ANKS6: variants seen among roughly 807,000 people sequenced by gnomAD.
ANKS6 encodes ankyrin repeat and SAM domain-containing protein 6.
In ANKS6, 47 loss-of-function variants were observed where a neutral mutation model predicts 77.9. That is an observed-to-expected ratio of 0.60 (90% CI 0.48 to 0.77). The LOEUF is 0.77. ANKS6 is among the 30% of genes least tolerant of loss of function. The probability of loss-of-function intolerance (pLI) is 0.00; values close to 1 mark genes in which losing one functional copy is unlikely to be tolerated. For synonymous variants in ANKS6, 488 were observed against 501.7 expected, an observed-to-expected ratio of 0.97 and a Z score of 0.37; for missense variants, 1,150 against 1,159.1, an observed-to-expected ratio of 0.99 and a Z score of 0.11.
chr9:98,784,219 T>G, intron 3 of ANKS6, 62 bp from the exon 4 acceptor site: 1 of 1,422,372 alleles, frequency 7.0e-7, no homozygotes, highest in Non-Finnish European at 9.4e-7. Flanking sequence ...TGATTTCTCC[T>G]GTGGTTCATG....
chr9:98,760,173 G>A (rs900697219), intron 11 of ANKS6, among the ~76,000 whole-genome samples: 1 of 152,114 alleles, frequency 6.6e-6, no homozygotes, highest in Admixed American at 6.5e-5. Context: ...CGGAGGAAGG[G>A]GCAAGGAGCT....
chr9:98,785,097 C>G (rs1043889347), intron 2 of ANKS6, among the ~76,000 whole-genome samples: 1 of 152,154 alleles, frequency 6.6e-6, no homozygotes, highest in Non-Finnish European at 1.5e-5. Flanking sequence ...CAACAAAACA[C>G]GAATGAGCAG....
intron 14 of ANKS6, among the ~76,000 whole-genome samples, chr9:98,740,722 A>C (rs1258498347): frequency 6.6e-6 from 1 of 152,240 alleles, no homozygotes; most frequent in Non-Finnish European, 1.5e-5. Context: ...CAACTGATTG[A>C]AGATGATAAC....
Position 98,791,366 on chromosome 9 carries a change from A to C in ANKS6, c.360-760T>G, listed in dbSNP as rs1448599637. Among the ~76,000 whole-genome samples the C allele has an allele frequency of 6.6e-6, 1 of 152,218 alleles. No individual in the cohort carries two copies. The highest frequency in any genetic ancestry group is 2.4e-5 in the African/African-American group (1 of 41,462). On this transcript the variant is annotated intron_variant, in intron 1 of 14. Transcript: ENST00000353234. The surrounding 1 kb of genome is among the most constrained non-coding windows in gnomAD (Gnocchi z 4.3). The stretch of plus-strand genomic sequence containing the variant: ...ACCTGCTGGCAGGAATGTTTGTTGC[A>C]GGCGGCTGAGGACCCAGCCTAGGCC...
chr9:98,735,623 G>A lies in ANKS6; in HGVS notation c.*896C>T, dbSNP rs1770085236. 1 of 1,231,626 alleles carries A rather than the reference G, an allele frequency of 8.1e-7. No homozygotes were observed. Among genetic ancestry groups the A allele is most frequent in the Non-Finnish European group, 1.0e-6 (1 of 987,952 alleles). 76.3% of individuals were successfully genotyped at this position (1,231,626 alleles called of 1,614,324 possible). ...GCCTTCTGCTTCCACTTTCAGTGCAGAAAGCCCTGCAGTGATACAGGTGAG... is the reference window on the plus strand; with the variant it reads ...GCCTTCTGCTTCCACTTTCAGTGCAAAAAGCCCTGCAGTGATACAGGTGAG... On this transcript the variant is annotated 3_prime_UTR_variant, in exon 15 of 15. Transcript: ENST00000353234.
chr9:98,780,838 T>C (rs925883262), intron 5 of ANKS6, among the ~76,000 whole-genome samples: 2 of 152,088 alleles, frequency 1.3e-5, no homozygotes, highest in African/African-American at 2.4e-5. Flanking sequence ...AAAAAAAGCA[T>C]TGCAAAAAAG....
chr9:98,749,410 C>A (rs1420413819), intron 13 of ANKS6, among the ~76,000 whole-genome samples: 2 of 152,204 alleles, frequency 1.3e-5, no homozygotes, highest in Admixed American at 6.5e-5. Context: ...GCCTTCCTCT[C>A]CCCGTGAACA....
chr9:98,787,541 C>A (rs1380441857), intron 2 of ANKS6, among the ~76,000 whole-genome samples: 1 of 152,188 alleles, frequency 6.6e-6, no homozygotes, highest in African/African-American at 2.4e-5. Context: ...TAGAAAGGTG[C>A]CTGATACATA....
intron 7 of ANKS6, 134 bp from the exon 8 acceptor site, chr9:98,777,588 C>T (rs1171922265): frequency 6.6e-6 from 5 of 756,782 alleles, no homozygotes; most frequent in African/African-American, 3.6e-5. Flanking sequence ...AATTGGTATT[C>T]GATATTTTAA....
chr9:98,786,827 G>C (rs1182904758), intron 2 of ANKS6, among the ~76,000 whole-genome samples: 1 of 152,190 alleles, frequency 6.6e-6, no homozygotes, highest in East Asian at 1.9e-4. Flanking sequence ...GCAACCATCT[G>C]ACACAAGTTA....
Position 98,782,467 on chromosome 9 carries a change from C to A in ANKS6, c.1219G>T (p.Asp407Tyr). The change falls in exon 5 of 15, where the codon GAC (aspartate) becomes TAC (tyrosine). Residue 407 changes from aspartate (D) to tyrosine (Y), a missense_variant and splice_region_variant. Physicochemically the swap from Asp to Tyr is radical, Grantham distance 160. Coordinates refer to ENST00000353234, the MANE Select transcript of ANKS6 (RefSeq NM_173551.5). ...CAACCCTTTTCTTGAAATTACCTAC[C>A]GGGATCATTCAGCAGCATCACCAGG... ...FDLVMLLNDP[D>Y]TELVRLLASV... The A allele has an allele frequency of 5.0e-6, 8 of 1,613,288 alleles. No homozygotes were observed. The highest frequency in any genetic ancestry group is 6.8e-6 in the Non-Finnish European group (8 of 1,179,284).
At chr9:98,781,445 T>A (rs1233351934) in intron 5 of ANKS6, among the ~76,000 whole-genome samples, 2 of 152,154 alleles carry the variant, frequency 1.3e-5, no homozygotes, top group Non-Finnish European at 2.9e-5. Flanking sequence ...AACAAACTCT[T>A]GGCAAGTGAA....
At position 98,784,062 on chromosome 9, in the gene ANKS6, C is replaced by A; in HGVS notation, c.1003G>T (p.Val335Phe). 6.2e-7 allele frequency: 1 copy of A among 1,611,002 alleles called. No individual in the cohort carries two copies. The highest frequency in any genetic ancestry group is 1.1e-5 in the South Asian group (1 of 90,196). Residue 335 changes from valine to phenylalanine, a missense_variant, in exon 4 of 15, where the codon GTT becomes TTT. Coordinates refer to ENST00000353234, the MANE Select transcript of ANKS6 (RefSeq NM_173551.5). ...TGCACCAGAGCCAGCTGCCCCGTAA[C>A]AGCTGCTAGCATCAGTGGCGTCGCC... ...DGATPLMLAAVTGQLALVQLL... is the reference protein window; with the variant it reads ...DGATPLMLAAFTGQLALVQLL...
chr9:98,748,422 A>G (rs1832258995), intron 13 of ANKS6, among the ~76,000 whole-genome samples: 1 of 152,102 alleles, frequency 6.6e-6, no homozygotes, highest in South Asian at 2.1e-4. Flanking sequence ...CAGAATCCCA[A>G]TTTTTAGCTG....
intron 5 of ANKS6, 111 bp downstream of exon 5, chr9:98,782,356 C>G: frequency 1.0e-6 from 1 of 970,236 alleles, no homozygotes; most frequent in South Asian, 1.6e-5. Flanking sequence ...GTGACTTTCC[C>G]CCACGAATAA....
At chr9:98,748,519 A>T (rs561640188) in intron 13 of ANKS6, among the ~76,000 whole-genome samples, 17 of 152,342 alleles carry the variant, frequency 1.1e-4, no homozygotes, top group African/African-American at 4.1e-4. Context: ...TAAATGAGAT[A>T]TAATAAAGAC....
intron 12 of ANKS6, among the ~76,000 whole-genome samples, chr9:98,752,952 A>C (rs1395893446): frequency 2.0e-5 from 3 of 151,828 alleles, no homozygotes; most frequent in African/African-American, 7.3e-5. Flanking sequence ...ATCCACACAT[A>C]ATCTGTTGTA....
chr9:98,794,272 G>A (rs1588427174), intron 1 of ANKS6, among the ~76,000 whole-genome samples: 3 of 152,278 alleles, frequency 2.0e-5, no homozygotes, highest in Admixed American at 2.0e-4. Context: ...AGAGAGCTGG[G>A]ACGATAAATA....
intron 14 of ANKS6, among the ~76,000 whole-genome samples, chr9:98,741,622 A>G (rs1024366743): frequency 6.6e-6 from 1 of 152,250 alleles, no homozygotes; most frequent in African/African-American, 2.4e-5. Context: ...AAAAGAAACA[A>G]TGACTTAGGA....
Sources: gnomAD v4.1 joint callset for allele counts (sites outside exome capture counted in the v4.1 genomes callset) on GRCh38, gnomAD v4.1.1 for gene constraint, Gnocchi (gnomAD v3.1) non-coding constraint, MANE v1.5 for transcripts, NCBI Gene and HGNC (gene_info 2026-07-23, HGNC 2026-07-21) for gene names.